PCDHA8: variants seen among roughly 807,000 people sequenced by gnomAD.
PCDHA8 encodes the protein protocadherin alpha 8.
In PCDHA8, 53 loss-of-function variants were observed where a neutral mutation model predicts 61.8. The ratio of observed to expected loss-of-function variants is 0.86; its 90% CI spans 0.69 to 1.08. PCDHA8 has a LOEUF of 1.08. Ranked by LOEUF, PCDHA8 falls within the 50% of genes least tolerant of loss-of-function variation. The pLI, the probability that PCDHA8 is intolerant of heterozygous loss-of-function variation, is 0.00. For missense variants in PCDHA8, 1,293 were observed against 1,245.0 expected, an observed-to-expected ratio of 1.04 and a Z score of -0.58; for synonymous variants, 618 against 556.6, an observed-to-expected ratio of 1.11 and a Z score of -1.55.
intron 1 of PCDHA8, among the ~76,000 whole-genome samples, chr5:140,943,274 A>G (rs1179008027): frequency 6.4e-5 from 9 of 141,284 alleles, no homozygotes; most frequent in Non-Finnish European, 1.0e-4. Flanking sequence ...AAAAAAAAAA[A>G]AAAGAAAGAA....
chr5:140,858,741 A>G, intron 1 of PCDHA8: 1 of 467,024 alleles, frequency 2.1e-6, no homozygotes, highest in Middle Eastern at 5.8e-4. Flanking sequence ...TACTTTCATA[A>G]TCACTTTTCG....
chr5:140,993,234 A>AATCTG (rs1554253510), intron 3 of PCDHA8, among the ~76,000 whole-genome samples: 1 of 152,130 alleles, frequency 6.6e-6, no homozygotes, highest in Non-Finnish European at 1.5e-5. Flanking sequence ...GTTCTCTCTG[A>AATCTG]ATCTGGGGAT....
chr5:140,858,680 A>G (rs2045557174), intron 1 of PCDHA8: 4 of 623,692 alleles, frequency 6.4e-6, no homozygotes, highest in Non-Finnish European at 1.1e-5. Flanking sequence ...TTCTGAATAC[A>G]CTAATATTTT....
rs782153529 is a variant in PCDHA8, at chr5:140,871,456, G to T, written c.2394+27741G>T. 3.1e-6 allele frequency: 5 copies of T among 1,607,166 alleles called. No homozygotes were observed. The South Asian group carries it at 4.4e-5, about 14-fold the overall frequency. On this transcript the variant is annotated intron_variant, in intron 1 of 3. Coordinates refer to ENST00000531613, the MANE Select transcript of PCDHA8 (RefSeq NM_018911.3). ...TCTAGGTCTGAATAAAGAGGAGGAA[G>T]GGGAAAGACAGGAGCCAGGGTCAAA...
intron 1 of PCDHA8, among the ~76,000 whole-genome samples, chr5:140,972,062 A>G (rs1398109338): frequency 6.6e-6 from 1 of 152,246 alleles, no homozygotes; most frequent in Admixed American, 6.5e-5. Flanking sequence ...AGTCGTATAT[A>G]TTAACTGCTT....
At chr5:140,877,010 A>T (rs1177640704) in intron 1 of PCDHA8, 2 of 1,612,296 alleles carry the variant, frequency 1.2e-6, no homozygotes, top group African/African-American at 2.7e-5. Context: ...GTGCACGCGG[A>T]GAGCGGCAAG....
At chr5:140,989,810 AT>A (rs2097361628) in intron 3 of PCDHA8, among the ~76,000 whole-genome samples, 1 of 152,192 alleles carries the variant, frequency 6.6e-6, no homozygotes, top group Non-Finnish European at 1.5e-5. Context: ...GGGCCATAAG[AT>A]TGGTCACTGC....
chr5:140,976,841 A>G lies in PCDHA8; in HGVS notation c.2395-2108A>G, dbSNP rs145977857. Among the ~76,000 whole-genome samples the G allele has an allele frequency of 1.2e-3, 190 of 152,338 alleles. 1 individual carries two copies. Among genetic ancestry groups the G allele is most frequent in the African/African-American group, 4.3e-3 (178 of 41,578 alleles). ...GTGTCTAATGAGCAAAACAGATATA[A>G]TCCCTTTCATAGAGTTTACTGTCTG... On this transcript the variant is annotated intron_variant, in intron 1 of 3. Coordinates refer to ENST00000531613, the MANE Select transcript of PCDHA8 (RefSeq NM_018911.3).
At chr5:140,975,675 T>C (rs1047804393) in intron 1 of PCDHA8, among the ~76,000 whole-genome samples, 3 of 152,240 alleles carry the variant, frequency 2.0e-5, no homozygotes, top group Non-Finnish European at 2.9e-5. Context: ...AGTTTATTAA[T>C]AAAATAGGGT....
intron 1 of PCDHA8, among the ~76,000 whole-genome samples, chr5:140,873,716 A>G (rs1476838319): frequency 6.6e-6 from 1 of 152,184 alleles, no homozygotes; most frequent in Non-Finnish European, 1.5e-5. Context: ...GCTGGTGTGC[A>G]GTGGCGCAAT....
intron 1 of PCDHA8, among the ~76,000 whole-genome samples, chr5:140,845,512 T>C (rs2150379573): frequency 1.1e-4 from 17 of 149,824 alleles, no homozygotes; most frequent in Admixed American, 1.1e-3. Flanking sequence ...ACCTATTTCT[T>C]GTACATTAAT....
intron 1 of PCDHA8, chr5:140,871,318 G>A (rs546803828): frequency 9.9e-6 from 16 of 1,614,072 alleles, no homozygotes; most frequent in Middle Eastern, 1.7e-4. Context: ...GCCCACGCTG[G>A]TGTGCTCCCG....
At chr5:140,969,230 G>A (rs1554231609) in intron 1 of PCDHA8, 1 of 1,614,154 alleles carries the variant, frequency 6.2e-7, no homozygotes, top group South Asian at 1.1e-5. Flanking sequence ...GCCTTCGGGA[G>A]CCCAAGCAGC....
intron 3 of PCDHA8, among the ~76,000 whole-genome samples, chr5:141,003,556 A>G (rs1183434751): frequency 6.6e-6 from 1 of 152,034 alleles, no homozygotes; most frequent in Non-Finnish European, 1.5e-5. Flanking sequence ...CAAGTGATCC[A>G]CCTGCCTCAG....
At position 140,845,912 on chromosome 5, in the gene PCDHA8, C is replaced by A. The variant is rs186058718; in HGVS notation, c.2394+2197C>A. On this transcript the variant is annotated intron_variant, in intron 1 of 3. Transcript: ENST00000531613. ...AGTCGTTATGGCCTTCCATATTAAT[C>A]TTATTTTTGTGTAAAACTATCTTCT... Among the ~76,000 whole-genome samples, 208 of 149,552 alleles carry A rather than the reference C, an allele frequency of 1.4e-3. 17 individuals are homozygous for A. The Middle Eastern group carries it at 0.024, about 17-fold the overall frequency.
chr5:140,910,715 A>C (rs2075137767), intron 1 of PCDHA8, among the ~76,000 whole-genome samples: 1 of 152,118 alleles, frequency 6.6e-6, no homozygotes, highest in Admixed American at 6.5e-5. Flanking sequence ...GCCATCTTTT[A>C]ATCCATATTT....
intron 1 of PCDHA8, chr5:140,927,577 A>T: frequency 6.2e-7 from 1 of 1,614,170 alleles, no homozygotes; most frequent in Non-Finnish European, 8.5e-7. Flanking sequence ...CACAAATGAC[A>T]ACGCGCCTGT....
intron 1 of PCDHA8, chr5:140,882,788 C>G: frequency 6.2e-7 from 1 of 1,614,216 alleles, no homozygotes; most frequent in Non-Finnish European, 8.5e-7. Flanking sequence ...CCGACTGGAT[C>G]CCAACGATTA....
chr5:140,967,529 C>A, intron 1 of PCDHA8: 1 of 1,613,244 alleles, frequency 6.2e-7, no homozygotes, highest in South Asian at 1.1e-5. Context: ...CGACAACTCT[C>A]CTGCCTTTGA....
Sources: allele counts gnomAD v4.1 joint callset (sites outside exome capture counted in the v4.1 genomes callset), GRCh38; gene constraint gnomAD v4.1.1; transcripts MANE v1.5; gene names NCBI Gene and HGNC (gene_info 2026-07-23, HGNC 2026-07-21).